Variants in ANOS1 observed in about 807,000 individuals in gnomAD.
The protein encoded by ANOS1 is anosmin 1.
A neutral mutation model predicts 59.0 loss-of-function variants in ANOS1; 6 were observed. The observed-to-expected ratio is 0.10, with a 90% CI of 0.06 to 0.20. The LOEUF (loss-of-function observed/expected upper bound fraction) is 0.20. Ranked by LOEUF, ANOS1 falls within the 10% of genes least tolerant of loss-of-function variation. The pLI is 1.00. For synonymous variants in ANOS1, 217 were observed against 223.4 expected, an observed-to-expected ratio of 0.97 and a Z score of 0.25; for missense variants, 433 against 542.3, an observed-to-expected ratio of 0.80 and a Z score of 2.00.
intron 2 of ANOS1, among the ~76,000 whole-genome samples, chrX:8,642,109 T>C (rs974300020): frequency 8.9e-6 from 1 of 111,950 alleles, no homozygotes; most frequent in African/African-American, 3.2e-5. Flanking sequence ...AAATTTCATA[T>C]ATAATTACTG....
chrX:8,569,757 A>C (rs1403270106), intron 7 of ANOS1, among the ~76,000 whole-genome samples: 1 of 112,481 alleles, frequency 8.9e-6, no homozygotes, highest in Non-Finnish European at 1.9e-5. Context: ...TAGCCTTGCT[A>C]TCTTTTCATT....
chrX:8,552,285 CTATT>C (rs1467786191), intron 9 of ANOS1, among the ~76,000 whole-genome samples: 2 of 112,073 alleles, frequency 1.8e-5, no homozygotes, highest in East Asian at 5.6e-4. Context: ...TTTTGGAAAA[CTATT>C]AATGTTTTCT....
intron 8 of ANOS1, among the ~76,000 whole-genome samples, chrX:8,555,452 G>A (rs1929935864): frequency 9.0e-6 from 1 of 111,172 alleles, no homozygotes; most frequent in African/African-American, 3.3e-5. Flanking sequence ...CTGGTTTTTT[G>A]AAAACATTAA....
In ANOS1 at chrX:8,731,884, G is replaced by A. The variant is rs1384725368; in HGVS notation, c.153C>T (p.Ser51=). The A allele has an allele frequency of 5.0e-6, 6 of 1,192,715 alleles. No homozygotes were observed. In the African/African-American group the frequency reaches 1.1e-4, roughly 21 times the overall value. Residue 51 remains serine, a synonymous_variant, in exon 1 of 14, where the codon TCC becomes TCT. Transcript: ENST00000262648. ...GAGTGATCTGCAGGCTCAGGCACCT[G>A]GAGGCGCAGCGAGCGCGCTGGACGC... ...AGSVQRARCA[S]RCLSLQITRI... is the part of the protein sequence containing the mutation.
rs1457627609 is a variant in ANOS1, at chrX:8,536,930, T to C, written c.1462A>G (p.Ile488Val). The stretch of plus-strand genomic sequence containing the variant: ...CAGGAAAATGACAGATCTTGAAGAA[T>C]TATGTAATTTTCCTAGAGCAAGAGA... ...SSGMTHENYI[I>V]LQDLSFSCKY... Residue 488 changes from isoleucine to valine, a missense_variant, in exon 11 of 14, where the codon ATT becomes GTT. Ile to Val is a conservative substitution (Grantham distance 29). Transcript: ENST00000262648. 3 of 1,202,032 alleles carry C rather than the reference T, an allele frequency of 2.5e-6. No homozygotes were observed. The highest frequency in any genetic ancestry group is 3.4e-6 in the Non-Finnish European group (3 of 888,431).
chrX:8,569,598 C>A (rs1216277855), intron 7 of ANOS1, among the ~76,000 whole-genome samples: 1 of 111,846 alleles, frequency 8.9e-6, no homozygotes, highest in African/African-American at 3.3e-5. Context: ...GCCGAGATTG[C>A]TCCACTGCAC....
chrX:8,631,405 C>T (rs1470362322), intron 2 of ANOS1, among the ~76,000 whole-genome samples: 1 of 110,671 alleles, frequency 9.0e-6, no homozygotes. Context: ...AAGATCATAG[C>T]ATGTACATTT....
Position 8,536,208 on chromosome X carries a change from T to C in ANOS1, c.1622-397A>G, listed in dbSNP as rs1255923283. The stretch of plus-strand genomic sequence containing the variant: ...CGAAGCTTTTTTTTTTTTTTTTTTT[T>C]TTTTTTTTAAAAGGTGAGATCTTGC... On this transcript the variant is annotated intron_variant, in intron 11 of 13. Coordinates refer to ENST00000262648, the MANE Select transcript of ANOS1 (RefSeq NM_000216.4). Among the ~76,000 whole-genome samples the C allele has an allele frequency of 1.4e-4, 11 of 77,793 alleles. 1 individual carries two copies. Among genetic ancestry groups the C allele is most frequent in the African/African-American group, 5.9e-4 (11 of 18,680 alleles). 67.6% of individuals were successfully genotyped at this position (77,793 alleles called of 115,157 possible). A position where few individuals can be genotyped will look rare whatever the true frequency, so the allele number is the denominator to read the frequency against.
At chrX:8,592,075 A>C (rs779121918) in intron 4 of ANOS1, among the ~76,000 whole-genome samples, 1 of 112,337 alleles carries the variant, frequency 8.9e-6, no homozygotes, top group South Asian at 3.7e-4. Flanking sequence ...ATATATGGAT[A>C]GAAAAATCAA....
chrX:8,558,587 T>A (rs1160523792), intron 8 of ANOS1, among the ~76,000 whole-genome samples: 1 of 111,828 alleles, frequency 8.9e-6, no homozygotes. Context: ...TCATTATAGA[T>A]TTTTTATAGT....
At chrX:8,609,867 C>T (rs1251482080) in intron 3 of ANOS1, among the ~76,000 whole-genome samples, 4 of 106,650 alleles carry the variant, frequency 3.8e-5, no homozygotes, top group African/African-American at 1.4e-4. Context: ...ATTAGCTGGG[C>T]GTGGTGGTGG....
chrX:8,722,512 G>A (rs1932881794), intron 1 of ANOS1, among the ~76,000 whole-genome samples: 1 of 110,938 alleles, frequency 9.0e-6, no homozygotes, highest in African/African-American at 3.3e-5. Flanking sequence ...ATCCCATCCA[G>A]GTTGCTGCGA....
intron 1 of ANOS1, among the ~76,000 whole-genome samples, chrX:8,699,980 A>G (rs2146898922): frequency 8.9e-6 from 1 of 112,169 alleles, no homozygotes; most frequent in African/African-American, 3.2e-5. Context: ...AAAGATTCTA[A>G]GCTGTCTGAA....
chrX:8,551,802 A>G (rs978698896), intron 9 of ANOS1, among the ~76,000 whole-genome samples: 3 of 111,761 alleles, frequency 2.7e-5, no homozygotes, highest in Non-Finnish European at 5.6e-5. Flanking sequence ...GTGAAACCCC[A>G]TATCTACTAA....
At chrX:8,715,532 G>C (rs922741910) in intron 1 of ANOS1, among the ~76,000 whole-genome samples, 2 of 106,729 alleles carry the variant, frequency 1.9e-5, no homozygotes, top group African/African-American at 6.9e-5. Flanking sequence ...TCCCATCTCA[G>C]CCTCCCAAAG....
intron 8 of ANOS1, chrX:8,565,915 G>T: frequency 1.6e-6 from 1 of 618,830 alleles, no homozygotes; most frequent in Non-Finnish European, 1.9e-6. Flanking sequence ...GGGTGGGAGG[G>T]CAGGGAGTCA....
At chrX:8,561,325 A>G (rs901132374) in intron 8 of ANOS1, among the ~76,000 whole-genome samples, 2 of 110,953 alleles carry the variant, frequency 1.8e-5, no homozygotes, top group Non-Finnish European at 3.8e-5. Context: ...TTTGAGACGG[A>G]GTCTCGCTTT....
intron 3 of ANOS1, among the ~76,000 whole-genome samples, chrX:8,616,098 T>C (rs1389025362): frequency 9.0e-6 from 1 of 110,839 alleles, no homozygotes; most frequent in Non-Finnish European, 1.9e-5. Context: ...CCTCTCTGTT[T>C]CCTCCAACCA....
chrX:8,696,938 G>C (rs1163672126), intron 2 of ANOS1, among the ~76,000 whole-genome samples: 1 of 112,475 alleles, frequency 8.9e-6, no homozygotes, highest in Non-Finnish European at 1.9e-5. Context: ...TGGTGCAGGG[G>C]CTAAAGACCC....
Sources: gnomAD v4.1 joint callset for allele counts (sites outside exome capture counted in the v4.1 genomes callset) on GRCh38, gnomAD v4.1.1 for gene constraint, MANE v1.5 for transcripts, NCBI Gene and HGNC (gene_info 2026-07-23, HGNC 2026-07-21) for gene names.